Variants in UGT1A4 observed in about 807,000 individuals in gnomAD.
UGT1A4 encodes the protein UDP glucuronosyltransferase family 1 member A4.
In UGT1A4, 32 loss-of-function variants were observed where a neutral mutation model predicts 41.1. That is an observed-to-expected ratio of 0.78 (90% CI 0.59 to 1.05). The LOEUF (loss-of-function observed/expected upper bound fraction) is 1.05, where lower values mean the gene tolerates loss of function less well. Among genes scored for constraint, UGT1A4 ranks in the 50% least tolerant of loss-of-function variants. UGT1A4 has a pLI of 0.00. For missense variants in UGT1A4, 748 were observed against 677.4 expected, an observed-to-expected ratio of 1.10 and a Z score of -1.16; for synonymous variants, 283 against 265.1, an observed-to-expected ratio of 1.07 and a Z score of -0.66.
chr2:233,769,603 GA>G lies in UGT1A4; in HGVS notation c.1307+1165del. 1 of 1,612,818 alleles carries G rather than the reference GA, an allele frequency of 6.2e-7. No individual in the cohort carries two copies. The highest frequency in any genetic ancestry group is 1.1e-5 in the South Asian group (1 of 91,040). On this transcript the variant is annotated intron_variant, in intron 4 of 4. Transcript: ENST00000373409. This position sits in a 1 kb window ranked among gnomAD's most constrained non-coding sequence, Gnocchi z 4.4. ...CAGATGAGAGGAGACGGAACACGGG[GA>G]CACACCAGCTTGAGCAAGGGACAAC...
intron 4 of UGT1A4, among the ~76,000 whole-genome samples, chr2:233,771,823 C>T (rs1700395813): frequency 7.3e-6 from 1 of 137,044 alleles, no homozygotes; most frequent in Non-Finnish European, 1.6e-5. Flanking sequence ...TTCCTTGCTT[C>T]CTTCCCTCCT....
rs769029902 is a variant in UGT1A4, at chr2:233,746,869, C to G, written c.868-20165C>G. Among the ~76,000 whole-genome samples, 366 of 151,862 alleles carry G rather than the reference C, an allele frequency of 2.4e-3. 1 individual carries two copies. Among genetic ancestry groups the G allele is most frequent in the Non-Finnish European group, 3.4e-3 (229 of 68,000 alleles). ...CAGACCTCAGCTGCAGCCTGATAAA[C>G]GTGGTTAACAGAGAAGTAGGAGGCT... On this transcript the variant is annotated intron_variant, in intron 1 of 4. Coordinates refer to ENST00000373409, the MANE Select transcript of UGT1A4 (RefSeq NM_007120.3).
chr2:233,753,217 G>T (rs1387240791), intron 1 of UGT1A4: 10 of 152,116 alleles, frequency 6.6e-5, no homozygotes, highest in Admixed American at 6.5e-4. Flanking sequence ...GTCTTATTTT[G>T]ATACTTCTTG....
chr2:233,746,309 C>A (rs1693355389), intron 1 of UGT1A4, among the ~76,000 whole-genome samples: 1 of 151,738 alleles, frequency 6.6e-6, no homozygotes, highest in Admixed American at 6.5e-5. Context: ...CCTTGGAGGG[C>A]CCTGTAGATG....
In UGT1A4 at chr2:233,769,517, G is replaced by T; in HGVS notation, c.1307+1078G>T. 6.2e-7 allele frequency: 1 copy of T among 1,612,844 alleles called. No homozygotes were observed. The highest frequency in any genetic ancestry group is 8.5e-7 in the Non-Finnish European group (1 of 1,179,874). On this transcript the variant is annotated intron_variant, in intron 4 of 4. Transcript: ENST00000373409. The surrounding 1 kb of genome is among the most constrained non-coding windows in gnomAD (Gnocchi z 4.4). ...AGAGTGTCCATTGCTTTCTCCCATGGTTACCTCCTTTAGAAAGAAGCAGCA... is the reference window on the plus strand; with the variant it reads ...AGAGTGTCCATTGCTTTCTCCCATGTTTACCTCCTTTAGAAAGAAGCAGCA...
intron 1 of UGT1A4, chr2:233,740,811 C>T (rs1350970609): frequency 1.3e-5 from 2 of 151,872 alleles, no homozygotes; most frequent in Admixed American, 1.3e-4. Flanking sequence ...TAGCACTGTT[C>T]TGTTTTTGAG....
Position 233,760,956 on chromosome 2 carries a change from C to T in UGT1A4, c.868-6078C>T, listed in dbSNP as rs770299996. The T allele has an allele frequency of 1.7e-5, 27 of 1,614,098 alleles. No individual in the cohort carries two copies. Among genetic ancestry groups the T allele is most frequent in the African/African-American group, 2.7e-5 (2 of 74,934 alleles). ...TTGCCTTTTCACAGAACTTTCTGTG[C>T]GACGTGGTTTATTCCCCGTATGCAA... On this transcript the variant is annotated intron_variant, in intron 1 of 4. Coordinates refer to ENST00000373409, the MANE Select transcript of UGT1A4 (RefSeq NM_007120.3).
At chr2:233,765,208 G>A (rs1325678271) in intron 1 of UGT1A4, among the ~76,000 whole-genome samples, 1 of 152,250 alleles carries the variant, frequency 6.6e-6, no homozygotes, top group South Asian at 2.1e-4. Flanking sequence ...AGTGCCCTCA[G>A]TATTCTTTGC....
chr2:233,762,263 T>A (rs1459310284), intron 1 of UGT1A4, among the ~76,000 whole-genome samples: 1 of 152,194 alleles, frequency 6.6e-6, no homozygotes, highest in Non-Finnish European at 1.5e-5. Context: ...CGAATATGTG[T>A]TACATTAATG....
chr2:233,760,198 T>A (rs907119126), intron 1 of UGT1A4: 1 of 1,579,636 alleles, frequency 6.3e-7, no homozygotes, highest in South Asian at 1.1e-5. Context: ...CGTGACACAG[T>A]CAAACATTAA....
intron 1 of UGT1A4, among the ~76,000 whole-genome samples, chr2:233,723,457 G>T (rs1279798549): frequency 7.3e-6 from 1 of 136,216 alleles, no homozygotes; most frequent in African/African-American, 2.9e-5. Flanking sequence ...TGATCCACCC[G>T]CCTCAGCCTC....
At chr2:233,730,291 G>A (rs962328046) in intron 1 of UGT1A4, among the ~76,000 whole-genome samples, 1 of 152,200 alleles carries the variant, frequency 6.6e-6, no homozygotes, top group Non-Finnish European at 1.5e-5. Flanking sequence ...CTTCATGGTT[G>A]TGCATGTCCT....
chr2:233,737,696 C>T (rs2078911570), intron 1 of UGT1A4, among the ~76,000 whole-genome samples: 1 of 152,160 alleles, frequency 6.6e-6, no homozygotes, highest in African/African-American at 2.4e-5. Context: ...GGTGCTGAAG[C>T]TTCCGTTCTC....
intron 1 of UGT1A4, chr2:233,747,522 G>C: frequency 6.2e-7 from 1 of 1,606,796 alleles, no homozygotes; most frequent in South Asian, 1.1e-5. Context: ...CTTTGAAACA[G>C]AACATTTTCT....
At chr2:233,743,050 C>T (rs577515653) in intron 1 of UGT1A4, 59 of 318,104 alleles carry the variant, frequency 1.9e-4, no homozygotes, top group South Asian at 1.5e-3. Flanking sequence ...CCGTGTAGTC[C>T]CAACGATAAG....
chr2:233,733,128 G>A (rs1348090612), intron 1 of UGT1A4, among the ~76,000 whole-genome samples: 1 of 152,132 alleles, frequency 6.6e-6, no homozygotes, highest in East Asian at 1.9e-4. Flanking sequence ...TTGGTGTATA[G>A]GAATGCTTGT....
rs778641747 is a variant in UGT1A4 at position 233,768,443 on chromosome 2, A to G, written c.1307+4A>G. 8.1e-6 allele frequency: 13 copies of G among 1,613,284 alleles called. No homozygotes were observed. In the South Asian group the frequency reaches 1.4e-4, roughly 18 times the overall value. On this transcript the variant is annotated splice_donor_region_variant and intron_variant, in intron 4 of 4. Transcript: ENST00000373409. Reference sequence around the variant, plus strand: ...AAGCAGTCATCAATGACAAAAGGTAAGAAAGAAGATACAGAAGAATACTTT... The same window carrying G: ...AAGCAGTCATCAATGACAAAAGGTAGGAAAGAAGATACAGAAGAATACTTT...
intron 1 of UGT1A4, among the ~76,000 whole-genome samples, chr2:233,756,709 T>A (rs1182039710): frequency 1.3e-5 from 2 of 152,126 alleles, no homozygotes; most frequent in Admixed American, 6.5e-5. Flanking sequence ...TTGGGGGGAC[T>A]TTTTTTGAGA....
At chr2:233,746,652 G>C (rs889917694) in intron 1 of UGT1A4, among the ~76,000 whole-genome samples, 17 of 151,768 alleles carry the variant, frequency 1.1e-4, no homozygotes, top group African/African-American at 3.7e-4. Context: ...TTGGCTTTCT[G>C]TCCCGAGTTC....
Sources: allele counts gnomAD v4.1 joint callset (sites outside exome capture counted in the v4.1 genomes callset), GRCh38; gene constraint gnomAD v4.1.1; non-coding constraint Gnocchi (gnomAD v3.1); transcripts MANE v1.5; gene names NCBI Gene and HGNC (gene_info 2026-07-23, HGNC 2026-07-21).